The following B3GALT1 variants were observed in gnomAD, a reference collection of about 807,000 sequenced individuals.
B3GALT1 encodes UDP-Gal:betaGlcNAc beta 1,3-galactosyltransferase, polypeptide 1.
In B3GALT1, 10 loss-of-function variants were observed where a neutral mutation model predicts 23.2. The observed-to-expected ratio is 0.43, with a 90% CI of 0.27 to 0.73. B3GALT1 has a LOEUF of 0.73. Among genes scored for constraint, B3GALT1 ranks in the 30% least tolerant of loss-of-function variants. The pLI, the probability that B3GALT1 is intolerant of heterozygous loss-of-function variation, is 0.21. For synonymous variants in B3GALT1, 156 were observed against 141.5 expected (o/e 1.10, Z -0.73); for missense variants, 299 against 405.4 (o/e 0.74, Z 2.25).
chr2:167,714,306 C>A lies in B3GALT1; in HGVS notation c.-352+67340C>A. 2.7e-6 allele frequency: 4 copies of A among 1,496,932 alleles called. No homozygotes were observed. The South Asian group carries it at 4.5e-5, about 17-fold the overall frequency. The allele number at this position is 1,496,932 out of a possible 1,614,324, so 92.7% of individuals were successfully genotyped here. A position where few individuals can be genotyped will look rare whatever the true frequency, so the allele number is the denominator to read the frequency against. ...GAGAGGGACCCAGTGTCAGAAGGAG[C>A]CCTGTGAGCATCAGTTGACCTATCA... is the stretch of plus-strand genomic sequence containing the variant. On this transcript the variant is annotated intron_variant, in intron 3 of 4. Coordinates refer to ENST00000392690, the MANE Select transcript of B3GALT1 (RefSeq NM_020981.4).
At chr2:167,727,730 G>A (rs564540527) in intron 3 of B3GALT1, among the ~76,000 whole-genome samples, 2 of 152,074 alleles carry the variant, frequency 1.3e-5, no homozygotes, top group Non-Finnish European at 2.9e-5. Flanking sequence ...CCTCATAACA[G>A]GCTCTTTATC....
At chr2:167,458,817 A>T (rs1208571798) in intron 1 of B3GALT1, among the ~76,000 whole-genome samples, 1 of 151,996 alleles carries the variant, frequency 6.6e-6, no homozygotes. Flanking sequence ...GTTGTTGTTG[A>T]TTGTTAGTAT....
chr2:167,314,354 A>G (rs1390071468), intron 1 of B3GALT1, among the ~76,000 whole-genome samples: 1 of 152,182 alleles, frequency 6.6e-6, no homozygotes, highest in African/African-American at 2.4e-5. Flanking sequence ...TGACTAGCAT[A>G]TACAATGTTA....
At chr2:167,719,261 A>G (rs1252404082) in intron 3 of B3GALT1, among the ~76,000 whole-genome samples, 1 of 152,146 alleles carries the variant, frequency 6.6e-6, no homozygotes, top group Non-Finnish European at 1.5e-5. Context: ...GTGTTCATGT[A>G]TGTGCATTGA....
intron 2 of B3GALT1, among the ~76,000 whole-genome samples, chr2:167,609,161 C>T (rs1321784144): frequency 6.6e-6 from 1 of 152,110 alleles, no homozygotes; most frequent in East Asian, 1.9e-4. Flanking sequence ...CACCAACTGT[C>T]ATGATCATAT....
intron 2 of B3GALT1, among the ~76,000 whole-genome samples, chr2:167,544,822 A>T (rs984528775): frequency 2.0e-5 from 3 of 152,078 alleles, no homozygotes; most frequent in Admixed American, 6.5e-5. Flanking sequence ...TCTTTTCTCG[A>T]TCGAAGGGTT....
intron 4 of B3GALT1, among the ~76,000 whole-genome samples, chr2:167,851,864 G>A (rs151001357): frequency 6.6e-6 from 1 of 152,258 alleles, no homozygotes; most frequent in East Asian, 1.9e-4. Flanking sequence ...GGGGAGACAC[G>A]GAGCACATTA....
intron 3 of B3GALT1, among the ~76,000 whole-genome samples, chr2:167,651,059 TATAAAG>T (rs895701775): frequency 1.3e-5 from 2 of 152,088 alleles, no homozygotes; most frequent in African/African-American, 2.4e-5. Flanking sequence ...TGTTTTTTTC[TATAAAG>T]ATAAATTGTC....
chr2:167,448,449 T>G (rs1451272843), intron 1 of B3GALT1, among the ~76,000 whole-genome samples: 1 of 152,304 alleles, frequency 6.6e-6, no homozygotes, highest in South Asian at 2.1e-4. Flanking sequence ...AGCTCAATTT[T>G]TGATGGGATT....
At position 167,396,220 on chromosome 2, in the gene B3GALT1, T is replaced by C. The variant is rs1169996466; in HGVS notation, c.-510-93957T>C. ...TGCATAATTTGATTTGAATTTCTCA[T>C]GGGAAACCGTTGAATGGAAACAGAG... is the stretch of plus-strand genomic sequence containing the variant. On this transcript the variant is annotated intron_variant, in intron 1 of 4. Coordinates refer to ENST00000392690, the MANE Select transcript of B3GALT1 (RefSeq NM_020981.4). 3.3e-5 allele frequency among the ~76,000 whole-genome samples: 5 copies of C among 152,148 alleles called. No individual in the cohort carries two copies. In the South Asian group the frequency reaches 6.2e-4, roughly 19 times the overall value.
rs35923253 is a variant in B3GALT1, at chr2:167,640,555, T to TCC, written c.-409-6350_-409-6349dup. Among the ~76,000 whole-genome samples, 926 of 151,394 alleles carry TCC rather than the reference T, an allele frequency of 6.1e-3. 7 individuals carry two copies. The highest frequency in any genetic ancestry group is 0.021 in the African/African-American group (878 of 41,242). ...TTTTACTGTAAGTTTGATTTTTTTTTCCCCCTCAGAATCAACCCTCTGCAT... is the reference window on the plus strand; with the variant it reads ...TTTTACTGTAAGTTTGATTTTTTTTTCCCCCCCTCAGAATCAACCCTCTGCAT... On this transcript the variant is annotated intron_variant, in intron 2 of 4. Coordinates refer to ENST00000392690, the MANE Select transcript of B3GALT1 (RefSeq NM_020981.4).
At chr2:167,634,113 G>A (rs1379705474) in intron 2 of B3GALT1, among the ~76,000 whole-genome samples, 1 of 151,852 alleles carries the variant, frequency 6.6e-6, no homozygotes, top group Non-Finnish European at 1.5e-5. Context: ...AATAAATAAC[G>A]AAATTAAGGC....
At chr2:167,384,580 C>G (rs1213518753) in intron 1 of B3GALT1, among the ~76,000 whole-genome samples, 1 of 152,092 alleles carries the variant, frequency 6.6e-6, no homozygotes, top group Non-Finnish European at 1.5e-5. Flanking sequence ...CCTCTGATTT[C>G]TCTCCTCTCC....
chr2:167,741,348 A>T (rs1687574284), intron 3 of B3GALT1, among the ~76,000 whole-genome samples: 1 of 152,206 alleles, frequency 6.6e-6, no homozygotes, highest in South Asian at 2.1e-4. Flanking sequence ...TTCAAAAAAC[A>T]TCTACTAAGT....
intron 2 of B3GALT1, among the ~76,000 whole-genome samples, chr2:167,605,103 A>G (rs1336273148): frequency 2.0e-5 from 3 of 152,156 alleles, no homozygotes; most frequent in African/African-American, 7.2e-5. Flanking sequence ...CCCTATCCCC[A>G]TACCCCAATG....
intron 3 of B3GALT1, among the ~76,000 whole-genome samples, chr2:167,776,511 G>A (rs114920117): frequency 6.3e-4 from 96 of 152,304 alleles, no homozygotes; most frequent in Non-Finnish European, 1.1e-3. Context: ...ACTGAGCTAG[G>A]CGGAGTGCCG....
chr2:167,376,616 G>C (rs1442512600), intron 1 of B3GALT1, among the ~76,000 whole-genome samples: 1 of 152,086 alleles, frequency 6.6e-6, no homozygotes, highest in Non-Finnish European at 1.5e-5. Context: ...AGATCTTCTA[G>C]TTTGTGTGTG....
intron 2 of B3GALT1, among the ~76,000 whole-genome samples, chr2:167,544,007 C>T (rs1683581043): frequency 6.6e-6 from 1 of 152,180 alleles, no homozygotes; most frequent in Non-Finnish European, 1.5e-5. Flanking sequence ...TTACAGTCTG[C>T]CCTCCAAGCA....
At chr2:167,593,568 A>G (rs1684720862) in intron 2 of B3GALT1, among the ~76,000 whole-genome samples, 1 of 152,222 alleles carries the variant, frequency 6.6e-6, no homozygotes, top group Non-Finnish European at 1.5e-5. Flanking sequence ...GATATACTTC[A>G]ATTTTTTAAA....
Sources: gnomAD v4.1 joint callset for allele counts (sites outside exome capture counted in the v4.1 genomes callset) on GRCh38, gnomAD v4.1.1 for gene constraint, MANE v1.5 for transcripts, NCBI Gene and HGNC (gene_info 2026-07-23, HGNC 2026-07-21) for gene names.